NSG2: variants seen among roughly 807,000 people sequenced by gnomAD.
NSG2 encodes neuronal vesicle trafficking associated 2, also known as neuronal vesicle trafficking-associated protein 2.
Under a neutral mutation model 16.9 loss-of-function variants are expected in NSG2, and 4 were observed. That is an observed-to-expected ratio of 0.24 (90% CI 0.12 to 0.54). NSG2 has a LOEUF of 0.54. NSG2 is among the 20% of genes least tolerant of loss of function. NSG2 has a pLI of 0.95. For synonymous variants in NSG2, 98 were observed against 88.7 expected, an observed-to-expected ratio of 1.11 and a Z score of -0.59; for missense variants, 179 against 221.1, an observed-to-expected ratio of 0.81 and a Z score of 1.21.
intron 2 of NSG2, among the ~76,000 whole-genome samples, chr5:174,052,328 A>G (rs1759902242): frequency 6.6e-6 from 1 of 152,018 alleles, no homozygotes; most frequent in African/African-American, 2.4e-5. Context: ...TGGTATTGAG[A>G]TGTGGTACCA....
At chr5:174,053,001 A>G (rs1465861202) in intron 2 of NSG2, among the ~76,000 whole-genome samples, 1 of 152,222 alleles carries the variant, frequency 6.6e-6, no homozygotes, top group Non-Finnish European at 1.5e-5. Flanking sequence ...GAGGAGAGGA[A>G]CACAGATATT....
intron 3 of NSG2, among the ~76,000 whole-genome samples, chr5:174,068,749 TGGTGCTGTG>T (rs1760186577): frequency 7.8e-6 from 1 of 128,406 alleles, no homozygotes; most frequent in South Asian, 3.1e-4. Flanking sequence ...TGGAAGGTGC[TGGTGCTGTG>T]GAAGGTGCTG....
At chr5:174,049,671 G>A (rs1362706841) in intron 2 of NSG2, among the ~76,000 whole-genome samples, 1 of 152,182 alleles carries the variant, frequency 6.6e-6, no homozygotes, top group Non-Finnish European at 1.5e-5. Flanking sequence ...GGAATGAGGA[G>A]TGAGCCAGCC....
intron 3 of NSG2, among the ~76,000 whole-genome samples, chr5:174,069,326 C>T (rs1760197209): frequency 6.6e-6 from 1 of 152,148 alleles, no homozygotes; most frequent in African/African-American, 2.4e-5. Flanking sequence ...GCTTATGCAC[C>T]TAGCTATGCT....
At chr5:174,048,611 G>A (rs992196076) in intron 2 of NSG2, among the ~76,000 whole-genome samples, 1 of 152,170 alleles carries the variant, frequency 6.6e-6, no homozygotes, top group Non-Finnish European at 1.5e-5. Flanking sequence ...ATGTCTTTAA[G>A]AAGTGTGAAA....
At chr5:174,100,946 G>A (rs1460455632) in intron 3 of NSG2, among the ~76,000 whole-genome samples, 3 of 152,226 alleles carry the variant, frequency 2.0e-5, no homozygotes, top group African/African-American at 7.2e-5. Flanking sequence ...CTCTGCCTAG[G>A]CAAGGTTTGG....
Position 174,107,527 on chromosome 5 carries a change from G to T in NSG2, c.*22G>T. ...CTAGAGGCCTGCCCCAGCCAGAATG[G>T]GGGGCGGGGTGGAGAGGAGGACCCC... On this transcript the variant is annotated 3_prime_UTR_variant, in exon 5 of 5. Coordinates refer to ENST00000303177, the MANE Select transcript of NSG2 (RefSeq NM_015980.5). The surrounding 1 kb of genome is among the most constrained non-coding windows in gnomAD (Gnocchi z 4.5). The T allele has an allele frequency of 6.3e-7, 1 of 1,596,164 alleles. No individual in the cohort carries two copies. The highest frequency in any genetic ancestry group is 8.6e-7 in the Non-Finnish European group (1 of 1,168,490).
In NSG2 at chr5:174,072,151, T is replaced by C. The variant is rs1760255381; in HGVS notation, c.213+7836T>C. ...TTCTTCTCTGTTCTCACTCCAACAC[T>C]CTGGTTCAACCCACATCACCACCTG... is the stretch of plus-strand genomic sequence containing the variant. On this transcript the variant is annotated intron_variant, in intron 3 of 4. Coordinates refer to ENST00000303177, the MANE Select transcript of NSG2 (RefSeq NM_015980.5). This position sits in a 1 kb window ranked among gnomAD's most constrained non-coding sequence, Gnocchi z 4.0. Among the ~76,000 whole-genome samples the C allele has an allele frequency of 6.6e-6, 1 of 152,128 alleles. No homozygotes were observed. The highest frequency in any genetic ancestry group is 1.5e-5 in the Non-Finnish European group (1 of 68,016).
intron 3 of NSG2, among the ~76,000 whole-genome samples, chr5:174,097,638 TG>T (rs1320288514): frequency 6.6e-6 from 1 of 150,422 alleles, no homozygotes; most frequent in African/African-American, 2.5e-5. Flanking sequence ...TCTCTGTGTG[TG>T]TGTTTCTCTC....
intron 2 of NSG2, among the ~76,000 whole-genome samples, chr5:174,048,978 T>C (rs1416047343): frequency 6.6e-6 from 1 of 152,054 alleles, no homozygotes; most frequent in Admixed American, 6.5e-5. Flanking sequence ...ATGGGGAGGA[T>C]CACATCTACC....
chr5:174,087,484 T>C (rs1471868367), intron 3 of NSG2, among the ~76,000 whole-genome samples: 1 of 152,130 alleles, frequency 6.6e-6, no homozygotes, highest in Non-Finnish European at 1.5e-5. Context: ...TTAAAAATTA[T>C]TAGCAAGAAA....
chr5:174,087,017 T>A (rs1389126791), intron 3 of NSG2, among the ~76,000 whole-genome samples: 1 of 152,214 alleles, frequency 6.6e-6, no homozygotes, highest in East Asian at 1.9e-4. Flanking sequence ...ACACCCCTCC[T>A]TCTTCCCATG....
chr5:174,080,734 G>A (rs746914325), intron 3 of NSG2, among the ~76,000 whole-genome samples: 155 of 151,932 alleles, frequency 1.0e-3, no homozygotes, highest in Non-Finnish European at 1.9e-3. Flanking sequence ...GCTAATTTTT[G>A]TATTTTTTAG....
intron 3 of NSG2, among the ~76,000 whole-genome samples, chr5:174,089,200 T>A (rs537392230): frequency 6.6e-6 from 1 of 152,192 alleles, no homozygotes; most frequent in Non-Finnish European, 1.5e-5. Flanking sequence ...TGTATTCACC[T>A]GGCAAGCATC....
chr5:174,050,883 C>T (rs1280911770), intron 2 of NSG2, among the ~76,000 whole-genome samples: 1 of 152,124 alleles, frequency 6.6e-6, no homozygotes, highest in Non-Finnish European at 1.5e-5. Context: ...CAAGCCTCCA[C>T]ACTGCCCCCA....
chr5:174,058,274 G>T (rs188634358), intron 2 of NSG2, among the ~76,000 whole-genome samples: 1 of 152,106 alleles, frequency 6.6e-6, no homozygotes, highest in Admixed American at 6.6e-5. Context: ...GATAAACAAT[G>T]AACTTGATTA....
chr5:174,098,362 A>G (rs1167479882), intron 3 of NSG2, among the ~76,000 whole-genome samples: 1 of 152,152 alleles, frequency 6.6e-6, no homozygotes, highest in African/African-American at 2.4e-5. Flanking sequence ...TGTCTTGGGC[A>G]GGACAAGGGT....
At position 174,072,149 on chromosome 5, in the gene NSG2, A is replaced by G. The variant is rs1760255347; in HGVS notation, c.213+7834A>G. Among the ~76,000 whole-genome samples the G allele has an allele frequency of 2.0e-5, 3 of 151,402 alleles. No homozygotes were observed. In the South Asian group the frequency reaches 6.3e-4, roughly 32 times the overall value. ...CTTTCTTCTCTGTTCTCACTCCAAC[A>G]CTCTGGTTCAACCCACATCACCACC... On this transcript the variant is annotated intron_variant, in intron 3 of 4. Transcript: ENST00000303177. The surrounding 1 kb of genome is among the most constrained non-coding windows in gnomAD (Gnocchi z 4.0).
intron 2 of NSG2, among the ~76,000 whole-genome samples, chr5:174,049,237 G>A (rs910385841): frequency 1.3e-5 from 2 of 152,204 alleles, no homozygotes; most frequent in Non-Finnish European, 2.9e-5. Flanking sequence ...CTACTTGGGA[G>A]GCTGAGGCAG....
Sources: allele counts gnomAD v4.1 joint callset (sites outside exome capture counted in the v4.1 genomes callset), GRCh38; gene constraint gnomAD v4.1.1; non-coding constraint Gnocchi (gnomAD v3.1); transcripts MANE v1.5; gene names NCBI Gene and HGNC (gene_info 2026-07-23, HGNC 2026-07-21).